Variants in ARMH3 observed in about 807,000 individuals in gnomAD.
ARMH3 encodes the protein armadillo-like helical domain-containing protein 3.
A neutral mutation model predicts 99.1 loss-of-function variants in ARMH3; 60 were observed. That is an observed-to-expected ratio of 0.61 (90% CI 0.49 to 0.75). ARMH3 has a LOEUF of 0.75. Among genes scored for constraint, ARMH3 ranks in the 30% least tolerant of loss-of-function variants. The probability of loss-of-function intolerance (pLI) is 0.00; values close to 1 mark genes in which losing one functional copy is unlikely to be tolerated. For missense variants in ARMH3, 679 were observed against 843.1 expected, an observed-to-expected ratio of 0.81 and a Z score of 2.41; for synonymous variants, 285 against 292.8, an observed-to-expected ratio of 0.97 and a Z score of 0.27.
chr10:101,993,286 G>GAA (rs35314567), intron 17 of ARMH3, among the ~76,000 whole-genome samples: 2 of 129,582 alleles, frequency 1.5e-5, no homozygotes, highest in Middle Eastern at 3.5e-3. Flanking sequence ...CTCAAAAAAA[G>GAA]AAAAAAAAAA....
intron 25 of ARMH3, among the ~76,000 whole-genome samples, chr10:101,847,910 G>A (rs1320730801): frequency 2.0e-5 from 3 of 152,190 alleles, no homozygotes; most frequent in African/African-American, 7.2e-5. Flanking sequence ...GGAGGGCTGA[G>A]GCTGACATCT....
At chr10:101,884,881 C>A (rs769215969) in intron 24 of ARMH3, among the ~76,000 whole-genome samples, 6 of 151,940 alleles carry the variant, frequency 3.9e-5, no homozygotes, top group Non-Finnish European at 7.4e-5. Context: ...AGACAAACCA[C>A]AGAATGGAGT....
chr10:102,011,130 G>A (rs906719278), intron 11 of ARMH3, among the ~76,000 whole-genome samples: 2 of 151,962 alleles, frequency 1.3e-5, no homozygotes, highest in Non-Finnish European at 2.9e-5. Flanking sequence ...CAAATGCCAA[G>A]AAACCTTGCC....
At chr10:101,977,790 C>A (rs1846073666) in intron 19 of ARMH3, among the ~76,000 whole-genome samples, 1 of 152,140 alleles carries the variant, frequency 6.6e-6, no homozygotes, top group Non-Finnish European at 1.5e-5. Context: ...CTCTCCTGAG[C>A]CCCCTCACCA....
intron 22 of ARMH3, 59 bp from the exon 23 acceptor site, chr10:101,939,997 GGAATGAAGACACATCTCA>G: frequency 7.0e-7 from 1 of 1,429,744 alleles, no homozygotes; most frequent in Non-Finnish European, 9.8e-7. Flanking sequence ...ACAAACATGA[GGAATGAAGACACATCTCA>G]GAATAGCACT....
At chr10:101,903,197 C>A (rs1247060305) in intron 23 of ARMH3, among the ~76,000 whole-genome samples, 4 of 152,180 alleles carry the variant, frequency 2.6e-5, no homozygotes, top group African/African-American at 9.7e-5. Context: ...AAATTGACTG[C>A]TTTCTCATAT....
At chr10:101,942,456 A>G (rs1050277415) in intron 22 of ARMH3, among the ~76,000 whole-genome samples, 2 of 152,250 alleles carry the variant, frequency 1.3e-5, no homozygotes, top group Non-Finnish European at 1.5e-5. Flanking sequence ...AAGAAAAGAC[A>G]GCTTAAAACA....
chr10:102,053,531 A>AG, intron 1 of ARMH3, among the ~76,000 whole-genome samples: 1 of 151,970 alleles, frequency 6.6e-6, no homozygotes, highest in Non-Finnish European at 1.5e-5. Context: ...CACCAGGCCG[A>AG]GTAAAAATGC....
chr10:101,935,194 T>TAC (rs1181635468), intron 23 of ARMH3, among the ~76,000 whole-genome samples: 1 of 147,824 alleles, frequency 6.8e-6, no homozygotes, highest in African/African-American at 2.5e-5. Context: ...TATATATATA[T>TAC]ATATACATTT....
At position 101,850,486 on chromosome 10, in the gene ARMH3, G is replaced by A. The variant is rs571125488; in HGVS notation, c.1861-594C>T. Among the ~76,000 whole-genome samples, 3 of 150,332 alleles carry A rather than the reference G, an allele frequency of 2.0e-5. No homozygotes were observed. The East Asian group carries it at 5.9e-4, about 30-fold the overall frequency. ...GTCGCCCAGGCTGGAGTGCAGTGGTGCAATCTCAGCTCACTGCAACCTCTG... is the reference window on the plus strand; with the variant it reads ...GTCGCCCAGGCTGGAGTGCAGTGGTACAATCTCAGCTCACTGCAACCTCTG... On this transcript the variant is annotated intron_variant, in intron 24 of 25. Transcript: ENST00000370033.
At chr10:101,928,332 G>A (rs764582280) in intron 23 of ARMH3, among the ~76,000 whole-genome samples, 16 of 152,136 alleles carry the variant, frequency 1.1e-4, no homozygotes, top group Non-Finnish European at 2.1e-4. Context: ...AATGCACCTG[G>A]AACCACTAAA....
chr10:101,904,400 G>A lies in ARMH3; in HGVS notation c.1782-14910C>T, dbSNP rs377734679. On this transcript the variant is annotated intron_variant, in intron 23 of 25. Coordinates refer to ENST00000370033, the MANE Select transcript of ARMH3 (RefSeq NM_024541.3). ...ATGACAGCAACACAGCACTCAGCCA[G>A]TGAGGAGTTTTTTTTAAGGCAGCCT... is the stretch of plus-strand genomic sequence containing the variant. Among the ~76,000 whole-genome samples, 745 of 152,228 alleles carry A rather than the reference G, an allele frequency of 4.9e-3. 6 individuals carry two copies. The highest frequency in any genetic ancestry group is 8.1e-3 in the Non-Finnish European group (548 of 68,028).
intron 23 of ARMH3, among the ~76,000 whole-genome samples, chr10:101,918,416 T>C (rs564424436): frequency 2.4e-4 from 36 of 152,170 alleles, no homozygotes; most frequent in East Asian, 5.8e-4. Context: ...AACTCATTCA[T>C]AGTTAGTCTA....
At chr10:102,013,713 A>G (rs559989426) in intron 9 of ARMH3, among the ~76,000 whole-genome samples, 1 of 152,336 alleles carries the variant, frequency 6.6e-6, no homozygotes, top group Admixed American at 6.5e-5. Flanking sequence ...ACTTCAGCAC[A>G]CTATAACATG....
At chr10:101,896,208 G>T (rs2067829612) in intron 23 of ARMH3, among the ~76,000 whole-genome samples, 1 of 152,084 alleles carries the variant, frequency 6.6e-6, no homozygotes, top group African/African-American at 2.4e-5. Flanking sequence ...TCCAGCCTAG[G>T]TGAGAGCACA....
intron 24 of ARMH3, among the ~76,000 whole-genome samples, chr10:101,864,440 A>C (rs1359618098): frequency 2.0e-5 from 3 of 152,214 alleles, no homozygotes; most frequent in African/African-American, 7.2e-5. Context: ...AGACACATGC[A>C]CACGTATGTT....
At chr10:101,995,490 A>G in intron 15 of ARMH3, 135 bp from the exon 16 acceptor site, 2 of 718,730 alleles carry the variant, frequency 2.8e-6, no homozygotes, top group East Asian at 5.5e-5. Context: ...AATGAAAATC[A>G]AGGTACTACT....
intron 23 of ARMH3, among the ~76,000 whole-genome samples, chr10:101,936,770 G>A (rs771635353): frequency 2.6e-5 from 4 of 152,150 alleles, no homozygotes; most frequent in East Asian, 1.9e-4. Flanking sequence ...GTCCATCAAC[G>A]GATGAATGGA....
Position 102,023,540 on chromosome 10 carries a change from AC to A in ARMH3, c.605del (p.Arg202LeufsTer16). 6.2e-7 allele frequency: 1 copy of A among 1,614,070 alleles called. No homozygotes were observed. The highest frequency in any genetic ancestry group is 8.5e-7 in the Non-Finnish European group (1 of 1,179,980). On this transcript the variant is annotated frameshift_variant, in exon 8 of 26. Transcript: ENST00000370033. LOFTEE classifies it high-confidence loss of function. Reference sequence around the variant, plus strand: ...CGACAGCATCATACCCATGCTCCCTACGACTTGGGGGATGGGAAAGTATCTG... The same window carrying A: ...CGACAGCATCATACCCATGCTCCCTAGACTTGGGGGATGGGAAAGTATCTG... ...ILQILSHPPS[R>X]REHGYDAVVL...
Sources: allele counts gnomAD v4.1 joint callset (sites outside exome capture counted in the v4.1 genomes callset), GRCh38; gene constraint gnomAD v4.1.1; transcripts MANE v1.5; gene names NCBI Gene and HGNC (gene_info 2026-07-23, HGNC 2026-07-21).